Variants in CYP7B1 observed in about 807,000 individuals in gnomAD.
CYP7B1 encodes cytochrome P450 7B1.
A neutral mutation model predicts 42.7 loss-of-function variants in CYP7B1; 29 were observed. That is an observed-to-expected ratio of 0.68 (90% confidence interval 0.51 to 0.93). The LOEUF is 0.93. Ranked by LOEUF, CYP7B1 falls within the 40% of genes least tolerant of loss-of-function variation. The probability of loss-of-function intolerance (pLI) is 0.00; values close to 1 mark genes in which losing one functional copy is unlikely to be tolerated. For missense variants in CYP7B1, 655 were observed against 600.5 expected, an observed-to-expected ratio of 1.09 and a Z score of -0.95; for synonymous variants, 235 against 218.2, an observed-to-expected ratio of 1.08 and a Z score of -0.68.
chr8:64,792,547 A>G (rs960772692), intron 1 of CYP7B1, among the ~76,000 whole-genome samples: 17 of 152,298 alleles, frequency 1.1e-4, no homozygotes, highest in Middle Eastern at 3.4e-3. Flanking sequence ...TGAAAAGATT[A>G]GGGAATAATC....
downstream of CYP7B1, among the ~76,000 whole-genome samples, chr8:64,589,328 A>G (rs1344860881): frequency 6.6e-6 from 1 of 152,212 alleles, no homozygotes; most frequent in African/African-American, 2.4e-5. Context: ...TTCTTGAAAA[A>G]TAAAAACTGT....
At chr8:64,659,677 T>C (rs182797030) in intron 1 of CYP7B1, among the ~76,000 whole-genome samples, 8 of 152,346 alleles carry the variant, frequency 5.3e-5, no homozygotes, top group Admixed American at 4.6e-4. Flanking sequence ...CGGTTATTCA[T>C]ACTCAAAGCA....
intron 1 of CYP7B1, among the ~76,000 whole-genome samples, chr8:64,748,657 A>G (rs1013263552): frequency 1.3e-5 from 2 of 152,150 alleles, no homozygotes; most frequent in Admixed American, 6.6e-5. Context: ...AGTATTCTTC[A>G]GGGTTCTATT....
chr8:64,612,023 G>A (rs188549200), intron 4 of CYP7B1, among the ~76,000 whole-genome samples: 175 of 152,190 alleles, frequency 1.1e-3, no homozygotes, highest in South Asian at 2.3e-3. Flanking sequence ...AAACCATTAA[G>A]AAGTGGTATT....
At chr8:64,637,614 GT>G (rs1805792401) in intron 1 of CYP7B1, among the ~76,000 whole-genome samples, 1 of 152,166 alleles carries the variant, frequency 6.6e-6, no homozygotes, top group African/African-American at 2.4e-5. Flanking sequence ...AATCATTATA[GT>G]TTGCAAATTG....
chr8:64,764,200 T>C (rs1296991125), intron 1 of CYP7B1, among the ~76,000 whole-genome samples: 3 of 151,044 alleles, frequency 2.0e-5, no homozygotes, highest in Non-Finnish European at 4.4e-5. Context: ...GATGCTCTCC[T>C]CCCCGAATTT....
At chr8:64,724,111 T>C (rs1281325269) in intron 1 of CYP7B1, among the ~76,000 whole-genome samples, 2 of 151,174 alleles carry the variant, frequency 1.3e-5, no homozygotes, top group African/African-American at 4.9e-5. Flanking sequence ...GAGGTAGGGG[T>C]GGAGGGTTGG....
At chr8:64,668,924 T>C (rs1806323505) in intron 1 of CYP7B1, among the ~76,000 whole-genome samples, 1 of 152,136 alleles carries the variant, frequency 6.6e-6, no homozygotes, top group East Asian at 1.9e-4. Context: ...TATGAAAATA[T>C]GTTCGAATCC....
intron 1 of CYP7B1, among the ~76,000 whole-genome samples, chr8:64,632,149 T>G (rs1805706172): frequency 6.6e-6 from 1 of 152,164 alleles, no homozygotes; most frequent in South Asian, 2.1e-4. Flanking sequence ...CTATTCACAA[T>G]AGCTAACATG....
At chr8:64,720,978 T>C (rs1041261913) in intron 1 of CYP7B1, among the ~76,000 whole-genome samples, 2 of 151,904 alleles carry the variant, frequency 1.3e-5, no homozygotes, top group Non-Finnish European at 2.9e-5. Context: ...ATAAATAAGA[T>C]ATTTTTAAAC....
intron 1 of CYP7B1, among the ~76,000 whole-genome samples, chr8:64,647,821 G>T (rs746200455): frequency 2.0e-5 from 3 of 152,080 alleles, no homozygotes; most frequent in Non-Finnish European, 2.9e-5. Context: ...CAAGTGCTAA[G>T]CTCATCCAGG....
intron 1 of CYP7B1, among the ~76,000 whole-genome samples, chr8:64,641,458 A>G (rs1340804659): frequency 1.3e-5 from 2 of 152,176 alleles, no homozygotes; most frequent in Non-Finnish European, 2.9e-5. Context: ...ATCACCAAGA[A>G]AGTTTCCTTA....
intron 1 of CYP7B1, among the ~76,000 whole-genome samples, chr8:64,679,967 T>G (rs185330591): frequency 1.9e-4 from 29 of 152,240 alleles, no homozygotes; most frequent in Admixed American, 3.9e-4. Context: ...TATGATACAG[T>G]ACTGTTAACC....
intron 1 of CYP7B1, among the ~76,000 whole-genome samples, chr8:64,644,001 G>A (rs576685571): frequency 1.4e-4 from 22 of 152,266 alleles, no homozygotes; most frequent in South Asian, 4.1e-4. Flanking sequence ...GCGGCCAGGC[G>A]CGGTGGCTCA....
intron 1 of CYP7B1, among the ~76,000 whole-genome samples, chr8:64,695,708 T>C (rs1806816933): frequency 6.7e-6 from 1 of 148,250 alleles, no homozygotes; most frequent in African/African-American, 2.5e-5. Flanking sequence ...GGACAGACAA[T>C]GGATGTGTCA....
At chr8:64,700,851 A>G (rs1484637197) in intron 1 of CYP7B1, among the ~76,000 whole-genome samples, 1 of 152,128 alleles carries the variant, frequency 6.6e-6, no homozygotes, top group Non-Finnish European at 1.5e-5. Flanking sequence ...CTTAAGGAAA[A>G]GTTACCATTC....
chr8:64,691,158 C>G (rs1272328804), intron 1 of CYP7B1, among the ~76,000 whole-genome samples: 1 of 152,122 alleles, frequency 6.6e-6, no homozygotes, highest in East Asian at 1.9e-4. Flanking sequence ...TTCAAAAAGT[C>G]TCAATAGACA....
intron 2 of CYP7B1, among the ~76,000 whole-genome samples, chr8:64,623,950 G>C (rs1054823050): frequency 2.0e-5 from 3 of 152,084 alleles, no homozygotes; most frequent in Admixed American, 2.0e-4. Context: ...TGGTTCATCA[G>C]TTGTAACAAA....
intron 1 of CYP7B1, among the ~76,000 whole-genome samples, chr8:64,704,664 C>T (rs552968191): frequency 6.6e-6 from 1 of 152,158 alleles, no homozygotes; most frequent in South Asian, 2.1e-4. Context: ...AAGTCTTAGA[C>T]ATACCTCTTG....
Sources: gnomAD v4.1 joint callset for allele counts (sites outside exome capture counted in the v4.1 genomes callset) on GRCh38, gnomAD v4.1.1 for gene constraint, MANE v1.5 for transcripts, NCBI Gene and HGNC (gene_info 2026-07-23, HGNC 2026-07-21) for gene names.